Variants in ANPEP observed in about 807,000 individuals in gnomAD.
ANPEP encodes the protein aminopeptidase N.
Under a neutral mutation model 114.6 loss-of-function variants are expected in ANPEP, and 70 were observed. The observed-to-expected ratio is 0.61, with a 90% CI of 0.50 to 0.75. The LOEUF (loss-of-function observed/expected upper bound fraction) is 0.75, where lower values mean the gene tolerates loss of function less well. ANPEP is among the 30% of genes least tolerant of loss of function. The pLI is 0.00. For synonymous variants in ANPEP, 548 were observed against 522.3 expected (o/e 1.05, Z -0.67); for missense variants, 1,184 against 1,259.5 (o/e 0.94, Z 0.91).
intron 1 of ANPEP, among the ~76,000 whole-genome samples, chr15:89,808,888 C>T (rs185334338): frequency 4.3e-4 from 66 of 152,350 alleles, no homozygotes; most frequent in African/African-American, 1.2e-3. Context: ...TGCCGCCTCT[C>T]GTCTGGTGTA....
intron 14 of ANPEP, among the ~76,000 whole-genome samples, chr15:89,798,910 A>G (rs1219539487): frequency 5.3e-5 from 8 of 152,154 alleles, no homozygotes; most frequent in Non-Finnish European, 2.9e-5. Flanking sequence ...CTGTACTCCA[A>G]CCTGGGCAAC....
chr15:89,810,127 C>T (rs1353674867), intron 1 of ANPEP, among the ~76,000 whole-genome samples: 1 of 152,162 alleles, frequency 6.6e-6, no homozygotes, highest in Non-Finnish European at 1.5e-5. Flanking sequence ...TGCCTGTAAT[C>T]CCAGCACTTT....
In ANPEP at chr15:89,804,472, C is replaced by T; in HGVS notation, c.1024+19G>A. 1.9e-6 allele frequency: 3 copies of T among 1,614,152 alleles called. No individual in the cohort carries two copies. The highest frequency in any genetic ancestry group is 2.5e-6 in the Non-Finnish European group (3 of 1,179,974). On this transcript the variant is annotated intron_variant, in intron 5 of 20. Coordinates refer to ENST00000300060, the MANE Select transcript of ANPEP (RefSeq NM_001150.3). The stretch of plus-strand genomic sequence containing the variant: ...TGGAGCTCCATCCACTGCCTCCCTC[C>T]TCAAGGACCCCCACTCACCTGATTT...
At position 89,805,478 on chromosome 15, in the gene ANPEP, A is replaced by G. The variant is rs1894692085; in HGVS notation, c.615-15T>C. ...TGGCCACCACCCTGCCCCAACAGGA[A>G]GGTTAGAGGGTGTGCCAGAGCTGGG... On this transcript the variant is annotated splice_polypyrimidine_tract_variant and intron_variant, in intron 2 of 20. Transcript: ENST00000300060. The G allele has an allele frequency of 6.2e-7, 1 of 1,613,802 alleles. No individual in the cohort carries two copies. Among genetic ancestry groups the G allele is most frequent in the Non-Finnish European group, 8.5e-7 (1 of 1,179,908 alleles).
intron 12 of ANPEP, among the ~76,000 whole-genome samples, chr15:89,800,904 C>A (rs1185986677): frequency 6.6e-6 from 1 of 152,154 alleles, no homozygotes; most frequent in Admixed American, 6.5e-5. Flanking sequence ...TGCTCTTAGC[C>A]TCATTTTATA....
chr15:89,801,600 T>C lies in ANPEP; in HGVS notation c.1577A>G (p.Asn526Ser). ...NLWDHLQEAV[N>S]NRSIQLPTTV... ...GGTGGGGAGTTGGATGGACCGGTTGTTCACAGCCTGTGGGTGGAGCGAGAG... is the reference window on the plus strand; with the variant it reads ...GGTGGGGAGTTGGATGGACCGGTTGCTCACAGCCTGTGGGTGGAGCGAGAG... Residue 526 changes from asparagine to serine, a missense_variant, in exon 11 of 21, where the codon AAC becomes AGC. Transcript: ENST00000300060. 3.7e-6 allele frequency: 6 copies of C among 1,613,718 alleles called. No individual in the cohort carries two copies. The highest frequency in any genetic ancestry group is 5.1e-6 in the Non-Finnish European group (6 of 1,179,756).
At chr15:89,808,701 G>C (rs2141814850) in intron 1 of ANPEP, among the ~76,000 whole-genome samples, 2 of 152,286 alleles carry the variant, frequency 1.3e-5, no homozygotes, top group South Asian at 2.1e-4. Context: ...CAGCATGTCA[G>C]GGCCCCACAT....
intron 1 of ANPEP, among the ~76,000 whole-genome samples, chr15:89,811,192 G>A (rs763565019): frequency 2.6e-5 from 4 of 152,176 alleles, no homozygotes; most frequent in South Asian, 4.1e-4. Context: ...ATTCCTTCCT[G>A]GGCTTCTGGG....
chr15:89,788,985 AT>A (rs970637387), intron 20 of ANPEP, among the ~76,000 whole-genome samples: 61 of 144,760 alleles, frequency 4.2e-4, no homozygotes, highest in Admixed American at 6.9e-4. Flanking sequence ...TTATATATCA[AT>A]TTTTTTTTTT....
chr15:89,802,092 T>C (rs915441783), intron 10 of ANPEP, among the ~76,000 whole-genome samples: 4 of 152,190 alleles, frequency 2.6e-5, no homozygotes, highest in African/African-American at 7.2e-5. Flanking sequence ...TCTTTGCTCA[T>C]GCACCTGCCT....
chr15:89,791,246 A>G (rs6496604), intron 18 of ANPEP, among the ~76,000 whole-genome samples, 153 bp from the exon 19 acceptor site: 94,195 of 152,004 alleles, frequency 0.62, 31,779 homozygotes, highest in African/African-American at 0.88. Flanking sequence ...TCTTCCCTCT[A>G]TAGATGGAAA....
intron 10 of ANPEP, among the ~76,000 whole-genome samples, chr15:89,802,966 C>A (rs1050644104): frequency 6.6e-6 from 1 of 152,072 alleles, no homozygotes; most frequent in African/African-American, 2.4e-5. Context: ...TTCCTCACCA[C>A]CAGGAAGGGG....
intron 20 of ANPEP, among the ~76,000 whole-genome samples, chr15:89,788,831 G>T (rs1465924254): frequency 6.6e-6 from 1 of 151,342 alleles, no homozygotes; most frequent in African/African-American, 2.4e-5. Context: ...TATTGCCCAG[G>T]CTGGTCTCAA....
intron 20 of ANPEP, 81 bp downstream of exon 20, chr15:89,790,379 G>C (rs925770864): frequency 2.6e-5 from 35 of 1,348,228 alleles, no homozygotes; most frequent in Non-Finnish European, 3.6e-5. Flanking sequence ...CTCCCTCAGG[G>C]CCACGTGGGA....
chr15:89,787,236 G>A (rs989448357), intron 20 of ANPEP, among the ~76,000 whole-genome samples: 8 of 151,872 alleles, frequency 5.3e-5, no homozygotes, highest in African/African-American at 9.7e-5. Context: ...TAGTAGGGAC[G>A]GGGTTTCACC....
rs1263995405 is a variant in ANPEP at position 89,803,764 on chromosome 15, C to T, written c.1320G>A (p.Val440=). The change falls in exon 8 of 21, where the codon GTG becomes GTA. Residue 440 remains valine, a synonymous_variant. Transcript: ENST00000300060. The surrounding 1 kb of genome is among the most constrained non-coding windows in gnomAD (Gnocchi z 4.2). The part of the protein sequence containing the change: ...NLKDLMVLND[V]YRVMAVDALA... The stretch of plus-strand genomic sequence containing the variant: ...GTGCATCCACTGCCATCACGCGGTA[C>T]ACATCATTCAGCACCATGAGGTCTT... 1.2e-6 allele frequency: 2 copies of T among 1,609,014 alleles called. No individual in the cohort carries two copies. Among genetic ancestry groups the T allele is most frequent in the Non-Finnish European group, 1.7e-6 (2 of 1,176,416 alleles).
intron 19 of ANPEP, 52 bp downstream of exon 19, chr15:89,790,901 G>C: frequency 1.3e-6 from 2 of 1,597,416 alleles, no homozygotes; most frequent in Non-Finnish European, 1.7e-6. Context: ...GCCACCCCCC[G>C]GGGCCCCAGC....
chr15:89,805,957 A>C lies in ANPEP; in HGVS notation c.614+13T>G. ...TCGGATCCACCCCACCGGGCAGCCC[A>C]GCCGGAACTCACTTTCTGACATTGC... On this transcript the variant is annotated intron_variant, in intron 2 of 20. Transcript: ENST00000300060. 1 of 1,573,690 alleles carries C rather than the reference A, an allele frequency of 6.4e-7. No individual in the cohort carries two copies. The highest frequency in any genetic ancestry group is 8.7e-7 in the Non-Finnish European group (1 of 1,155,586).
intron 18 of ANPEP, among the ~76,000 whole-genome samples, chr15:89,791,537 A>G (rs1968625842): frequency 4.6e-5 from 7 of 151,696 alleles, no homozygotes; most frequent in Admixed American, 4.6e-4. Flanking sequence ...TGCCAGGTTC[A>G]AGTGATTCTC....
Sources: allele counts gnomAD v4.1 joint callset (sites outside exome capture counted in the v4.1 genomes callset), GRCh38; gene constraint gnomAD v4.1.1; non-coding constraint Gnocchi (gnomAD v3.1); transcripts MANE v1.5; gene names NCBI Gene and HGNC (gene_info 2026-07-23, HGNC 2026-07-21).